TSPAN7: variants seen among roughly 807,000 people sequenced by gnomAD.
TSPAN7 encodes tetraspanin 7, also known as tetraspanin-7.
In TSPAN7, 1 loss-of-function variant was observed where a neutral mutation model predicts 17.6. The observed-to-expected ratio is 0.06, with a 90% CI of 0.02 to 0.27. The LOEUF (loss-of-function observed/expected upper bound fraction) is 0.27. Among genes scored for constraint, TSPAN7 ranks in the 10% least tolerant of loss-of-function variants. TSPAN7 has a pLI of 1.00. For missense variants in TSPAN7, 112 were observed against 201.7 expected (o/e 0.56, Z 2.69); for synonymous variants, 78 against 79.0 (o/e 0.99, Z 0.07).
chrX:38,658,552 C>G (rs1293880030), intron 1 of TSPAN7, among the ~76,000 whole-genome samples: 1 of 111,438 alleles, frequency 9.0e-6, no homozygotes, highest in African/African-American at 3.3e-5. Context: ...TGGCAGCCAC[C>G]TTTATAGACT....
intron 1 of TSPAN7, among the ~76,000 whole-genome samples, chrX:38,663,652 T>A (rs1480426869): frequency 8.9e-6 from 1 of 112,062 alleles, no homozygotes; most frequent in Non-Finnish European, 1.9e-5. Flanking sequence ...GAGGAGAGGG[T>A]TCATATACAA....
chrX:38,610,698 AAG>A (rs1190544627), intron 1 of TSPAN7, among the ~76,000 whole-genome samples: 2 of 112,033 alleles, frequency 1.8e-5, no homozygotes, highest in Non-Finnish European at 3.8e-5. Flanking sequence ...TCTGATGAAA[AAG>A]AGTACTGTGG....
intron 1 of TSPAN7, among the ~76,000 whole-genome samples, chrX:38,601,043 C>T (rs146079901): frequency 1.3e-3 from 145 of 111,622 alleles, no homozygotes; most frequent in African/African-American, 4.4e-3. Context: ...CTTGAGTAGA[C>T]GTTGGTCTGC....
chrX:38,662,994 C>T (rs2069756537), intron 1 of TSPAN7, among the ~76,000 whole-genome samples: 1 of 110,671 alleles, frequency 9.0e-6, no homozygotes, highest in African/African-American at 3.3e-5. Flanking sequence ...CACTGGCAAA[C>T]TTATAAAGAC....
intron 5 of TSPAN7, among the ~76,000 whole-genome samples, chrX:38,678,275 A>C (rs367556556): frequency 1.8e-5 from 2 of 112,065 alleles, no homozygotes; most frequent in African/African-American, 6.5e-5. Flanking sequence ...CTTGGCAGTT[A>C]CAGAGATACC....
At chrX:38,677,140 C>T (rs1440891068) in intron 5 of TSPAN7, among the ~76,000 whole-genome samples, 3 of 111,884 alleles carry the variant, frequency 2.7e-5, no homozygotes, top group Non-Finnish European at 5.6e-5. Flanking sequence ...AGCACAGGGT[C>T]TAGTGTCAGG....
chrX:38,573,267 C>A (rs1420142293), intron 1 of TSPAN7, among the ~76,000 whole-genome samples: 3 of 111,045 alleles, frequency 2.7e-5, no homozygotes, highest in Non-Finnish European at 5.7e-5. Flanking sequence ...AGTTTGCTAC[C>A]AAAGAGAGCT....
At chrX:38,679,085 G>C (rs765456263) in intron 5 of TSPAN7, among the ~76,000 whole-genome samples, 1 of 111,979 alleles carries the variant, frequency 8.9e-6, no homozygotes, top group South Asian at 3.8e-4. Context: ...CCTTTTTCTG[G>C]TTTCTCCTAC....
intron 1 of TSPAN7, among the ~76,000 whole-genome samples, chrX:38,610,488 C>G (rs954008485): frequency 3.6e-5 from 4 of 111,915 alleles, no homozygotes; most frequent in African/African-American, 1.3e-4. Flanking sequence ...TTACCTTTGA[C>G]TGCGCATTAG....
At chrX:38,629,482 G>A (rs887755235) in intron 1 of TSPAN7, among the ~76,000 whole-genome samples, 10 of 112,083 alleles carry the variant, frequency 8.9e-5, no homozygotes, top group African/African-American at 2.9e-4. Flanking sequence ...TACTGTTTCC[G>A]AAAAAGCTTT....
rs761096501 is a variant in TSPAN7, at chrX:38,565,306, T to C, written c.81+3679T>C. Among the ~76,000 whole-genome samples the C allele has an allele frequency of 2.7e-5, 3 of 112,209 alleles. No homozygotes were observed. In the East Asian group the frequency reaches 8.3e-4, roughly 31 times the overall value. On this transcript the variant is annotated intron_variant, in intron 1 of 7. Coordinates refer to ENST00000378482, the MANE Select transcript of TSPAN7 (RefSeq NM_004615.4). ...GTGCAGTGGTGTGACCTCAGCTCAC[T>C]GCAACCTCCGCCTCCTGGATTCAAG...
chrX:38,657,956 C>CCAAA (rs2069714025), intron 1 of TSPAN7, among the ~76,000 whole-genome samples: 2 of 111,536 alleles, frequency 1.8e-5, no homozygotes, highest in South Asian at 7.6e-4. Flanking sequence ...CTCTGGCTAT[C>CCAAA]TGATCCCTGA....
At chrX:38,667,986 C>T (rs1375450941) in intron 2 of TSPAN7, among the ~76,000 whole-genome samples, 1 of 111,911 alleles carries the variant, frequency 8.9e-6, no homozygotes, top group African/African-American at 3.3e-5. Flanking sequence ...ATCTTGTAGC[C>T]AGTATTGAGA....
chrX:38,682,077 A>G (rs1453725727), intron 6 of TSPAN7, among the ~76,000 whole-genome samples: 1 of 112,699 alleles, frequency 8.9e-6, no homozygotes, highest in African/African-American at 3.2e-5. Context: ...AGCAAGAGCA[A>G]ACTTTGTTTA....
chrX:38,631,731 A>G (rs187882004), intron 1 of TSPAN7, among the ~76,000 whole-genome samples: 1 of 111,665 alleles, frequency 9.0e-6, no homozygotes, highest in African/African-American at 3.2e-5. Flanking sequence ...CAGGATTCAC[A>G]TTTCATTCCT....
intron 1 of TSPAN7, among the ~76,000 whole-genome samples, chrX:38,581,538 C>A (rs951325098): frequency 9.0e-6 from 1 of 111,512 alleles, no homozygotes. Flanking sequence ...GTCCCTCCCA[C>A]GACAAGTGGG....
intron 1 of TSPAN7, among the ~76,000 whole-genome samples, chrX:38,573,542 A>G (rs1311821275): frequency 8.9e-6 from 1 of 112,006 alleles, no homozygotes; most frequent in African/African-American, 3.2e-5. Flanking sequence ...AACAGCTTAC[A>G]TTAATATGAT....
At chrX:38,646,162 A>G (rs2069644993) in intron 1 of TSPAN7, 2 of 797,211 alleles carry the variant, frequency 2.5e-6, no homozygotes, top group Admixed American at 8.4e-5. Flanking sequence ...AAAAACCTGT[A>G]AATACATTAA....
At chrX:38,674,815 A>G (rs1406577502) in intron 4 of TSPAN7, among the ~76,000 whole-genome samples, 1 of 110,339 alleles carries the variant, frequency 9.1e-6, no homozygotes, top group South Asian at 4.0e-4. Flanking sequence ...GATATGGGGG[A>G]AATAGAAGAG....
Sources: gnomAD v4.1 joint callset for allele counts (sites outside exome capture counted in the v4.1 genomes callset) on GRCh38, gnomAD v4.1.1 for gene constraint, MANE v1.5 for transcripts, NCBI Gene and HGNC (gene_info 2026-07-23, HGNC 2026-07-21) for gene names.